The following MORN1 variants were observed in gnomAD, a reference collection of about 807,000 sequenced individuals.
MORN1 encodes the protein MORN repeat-containing protein 1.
MORN1 carries 67 observed loss-of-function variants against 61.9 expected under a neutral mutation model. The observed-to-expected ratio is 1.08, with a 90% confidence interval of 0.89 to 1.33. The LOEUF (loss-of-function observed/expected upper bound fraction) is 1.33. Among genes scored for constraint, MORN1 ranks in the 40% most tolerant of loss-of-function variants. The probability of loss-of-function intolerance (pLI) is 0.00; values close to 1 mark genes in which losing one functional copy is unlikely to be tolerated. For synonymous variants in MORN1, 301 were observed against 292.0 expected, an observed-to-expected ratio of 1.03 and a Z score of -0.31; for missense variants, 752 against 691.2, an observed-to-expected ratio of 1.09 and a Z score of -0.99.
At position 2,356,249 on chromosome 1, in the gene MORN1, C is replaced by A. The variant is rs186651939; in HGVS notation, c.1036+1183G>T. Among the ~76,000 whole-genome samples the A allele has an allele frequency of 4.6e-5, 7 of 152,264 alleles. 1 individual carries two copies. Among genetic ancestry groups the A allele is most frequent in the African/African-American group, 1.4e-4 (6 of 41,550 alleles). On this transcript the variant is annotated intron_variant, in intron 10 of 13. Transcript: ENST00000378531. Reference sequence around the variant, plus strand: ...TGGGAAGGGCTGGGCAGGGACATGGCAGGGATTGAGCTCGCATCGGCCAAG... The same window carrying A: ...TGGGAAGGGCTGGGCAGGGACATGGAAGGGATTGAGCTCGCATCGGCCAAG...
intron 10 of MORN1, among the ~76,000 whole-genome samples, chr1:2,344,853 T>C (rs1243865477): frequency 6.6e-6 from 1 of 152,222 alleles, no homozygotes; most frequent in African/African-American, 2.4e-5. Flanking sequence ...AGTCCCCGAA[T>C]GCAGAATTCT....
At chr1:2,353,459 T>A (rs2840529) in intron 10 of MORN1, among the ~76,000 whole-genome samples, 1 of 151,900 alleles carries the variant, frequency 6.6e-6, no homozygotes, top group African/African-American at 2.4e-5. Flanking sequence ...TGAGAGAGGG[T>A]CTCCGGGAGC....
chr1:2,324,121 C>T lies in MORN1; in HGVS notation c.1273G>A (p.Glu425Lys), dbSNP rs773860901. Residue 425 changes from glutamate to lysine, a missense_variant, in exon 13 of 14, where the codon GAG becomes AAG. Transcript: ENST00000378531. ...GSRPEGRATE[E>K]QAAAAHLGEY... is the part of the protein sequence containing the mutation. ...CCTAGGTGTGCTGCCGCAGCCTGCT[C>T]CTCCGTGGCTCTCCCCTCAGGCCTG... 7.5e-6 allele frequency: 12 copies of T among 1,600,986 alleles called. No individual in the cohort carries two copies. The East Asian group carries it at 9.0e-5, about 12-fold the overall frequency.
At chr1:2,327,341 G>GAAAC (rs1417261302) in intron 12 of MORN1, among the ~76,000 whole-genome samples, 1 of 104,156 alleles carries the variant, frequency 9.6e-6, no homozygotes, top group African/African-American at 3.4e-5. Context: ...GAAACACACA[G>GAAAC]ACAGAAACAA....
chr1:2,381,485 A>G (rs1485701501), intron 6 of MORN1, among the ~76,000 whole-genome samples: 2 of 152,056 alleles, frequency 1.3e-5, no homozygotes, highest in African/African-American at 2.4e-5. Flanking sequence ...GTCCCCAGGG[A>G]GCTCAAGCCA....
chr1:2,391,498 G>C lies in MORN1; in HGVS notation c.36C>G (p.Arg12=). 8.0e-7 allele frequency: 1 copy of C among 1,251,370 alleles called. No homozygotes were observed. The highest frequency in any genetic ancestry group is 4.2e-5 in the Admixed American group (1 of 23,746). 77.5% of individuals were successfully genotyped at this position (1,251,370 alleles called of 1,614,324 possible). A position where few individuals can be genotyped will look rare whatever the true frequency, so the allele number is the denominator to read the frequency against. ...GCCTAGGCGGGTCCCGACGCGGCCC[G>C]CGGGAGCTCGGGGTGCCCTCGCCCG... is the stretch of plus-strand genomic sequence containing the variant. ...AAAGEGTPSS[R]GPRRDPPRRP... The change falls in exon 1 of 14, where the codon CGC becomes CGG. Residue 12 remains arginine (R), a synonymous_variant. Coordinates refer to ENST00000378531, the MANE Select transcript of MORN1 (RefSeq NM_024848.3).
At chr1:2,387,612 A>G (rs376928470) in intron 3 of MORN1, 83 bp from the exon 4 acceptor site, 2 of 955,212 alleles carry the variant, frequency 2.1e-6, no homozygotes, top group Admixed American at 1.8e-5. Context: ...TCCCTGGCCC[A>G]TGACACGCAG....
At chr1:2,331,485 G>A (rs1225784437) in intron 12 of MORN1, among the ~76,000 whole-genome samples, 1 of 152,180 alleles carries the variant, frequency 6.6e-6, no homozygotes, top group Non-Finnish European at 1.5e-5. Context: ...TAGGGCCCTC[G>A]CAGCAGGACC....
chr1:2,328,166 C>T (rs973926164), intron 12 of MORN1, among the ~76,000 whole-genome samples: 10 of 152,268 alleles, frequency 6.6e-5, no homozygotes, highest in Admixed American at 2.0e-4. Flanking sequence ...CAGTCCATGA[C>T]GCGGACACGT....
chr1:2,352,622 G>A (rs929709197), intron 10 of MORN1: 1 of 152,414 alleles, frequency 6.6e-6, no homozygotes, highest in African/African-American at 2.4e-5. Context: ...TGTCCCAGGT[G>A]GGTGTTCCTA....
chr1:2,390,935 C>G (rs1046883479), intron 1 of MORN1, among the ~76,000 whole-genome samples: 4 of 152,174 alleles, frequency 2.6e-5, no homozygotes, highest in South Asian at 2.1e-4. Context: ...TAGTAGAGAC[C>G]GGGTTTCGCC....
In MORN1 at chr1:2,387,480, G is replaced by A. The variant is rs779763554; in HGVS notation, c.297C>T (p.Gly99=). The change falls in exon 4 of 14, where the codon GGC becomes GGT. Residue 99 remains glycine, a synonymous_variant. Coordinates refer to ENST00000378531, the MANE Select transcript of MORN1 (RefSeq NM_024848.3). ...QFVLGEPQGY[G]VMEYKAGGCY... ...ATCCGCCGGCTTTGTACTCCATGAC[G>A]CCGTAGCCTTGAGGCTCTCCCAGAA... The A allele has an allele frequency of 8.7e-6, 14 of 1,613,490 alleles. No individual in the cohort carries two copies. Among genetic ancestry groups the A allele is most frequent in the Admixed American group, 3.3e-5 (2 of 60,016 alleles).
chr1:2,370,063 G>C (rs1181009817), intron 8 of MORN1, among the ~76,000 whole-genome samples: 3 of 152,200 alleles, frequency 2.0e-5, no homozygotes, highest in Non-Finnish European at 4.4e-5. Context: ...AAACAAAACT[G>C]GAGGACTCTC....
rs1438986313 is a variant in MORN1, at chr1:2,357,448, G to A, written c.1020C>T (p.Thr340=). The change falls in exon 10 of 14, where the codon ACC becomes ACT. Residue 340 remains threonine (T), a synonymous_variant. Transcript: ENST00000378531. The surrounding 1 kb of genome is among the most constrained non-coding windows in gnomAD (Gnocchi z 6.3). The part of the protein sequence containing the change: ...HLGALHGQED[T]PGGLLARGHA... ...TCCACTTACCAAGCAGGCCACCAGG[G>A]GTGTCCTCCTGGCCATGGAGGGCAC... 7 of 1,608,820 alleles carry A rather than the reference G, an allele frequency of 4.4e-6. No homozygotes were observed. The highest frequency in any genetic ancestry group is 5.9e-6 in the Non-Finnish European group (7 of 1,177,564).
At chr1:2,358,101 C>T (rs1316913572) in intron 9 of MORN1, among the ~76,000 whole-genome samples, 1 of 152,146 alleles carries the variant, frequency 6.6e-6, no homozygotes, top group African/African-American at 2.4e-5. Flanking sequence ...GCAGCTCAGG[C>T]CTCTGTTTGC....
At chr1:2,327,113 G>A (rs1005181664) in intron 12 of MORN1, among the ~76,000 whole-genome samples, 2 of 144,900 alleles carry the variant, frequency 1.4e-5, no homozygotes, top group Non-Finnish European at 3.0e-5. Context: ...GAAACACACA[G>A]AAACACAGAA....
chr1:2,345,565 C>T (rs1402479619), intron 10 of MORN1, among the ~76,000 whole-genome samples: 1 of 152,246 alleles, frequency 6.6e-6, no homozygotes. Flanking sequence ...TGCCCCTCGC[C>T]AGTGGACACA....
rs574117384 is a variant in MORN1, at chr1:2,330,135, C to A, written c.1251-5992G>T. On this transcript the variant is annotated intron_variant, in intron 12 of 13. Transcript: ENST00000378531. ...AGCAAGCCAGCGGCACAGGCCTCCC[C>A]ACCTGGGCTGCGAGTCACAGGCTGC... 9.2e-5 allele frequency among the ~76,000 whole-genome samples: 14 copies of A among 152,350 alleles called. No individual in the cohort carries two copies. The South Asian group carries it at 2.9e-3, about 32-fold the overall frequency.
chr1:2,348,008 G>A (rs1569961930), intron 10 of MORN1, among the ~76,000 whole-genome samples: 2 of 152,178 alleles, frequency 1.3e-5, no homozygotes, highest in Admixed American at 6.5e-5. Context: ...GGCAGGGCAC[G>A]CCTCGGGGTC....
Sources: allele counts gnomAD v4.1 joint callset (sites outside exome capture counted in the v4.1 genomes callset), GRCh38; gene constraint gnomAD v4.1.1; non-coding constraint Gnocchi (gnomAD v3.1); transcripts MANE v1.5; gene names NCBI Gene and HGNC (gene_info 2026-07-23, HGNC 2026-07-21).